Variants in DSCAM observed in about 807,000 individuals in gnomAD.
DSCAM encodes the protein cell adhesion molecule DSCAM.
A neutral mutation model predicts 217.7 loss-of-function variants in DSCAM; 47 were observed. The observed-to-expected ratio is 0.22, with a 90% CI of 0.17 to 0.28. The LOEUF is 0.28. Ranked by LOEUF, DSCAM falls within the 10% of genes least tolerant of loss-of-function variation. The pLI, the probability that DSCAM is intolerant of heterozygous loss-of-function variation, is 1.00. For synonymous variants in DSCAM, 1,056 were observed against 1,015.3 expected, an observed-to-expected ratio of 1.04 and a Z score of -0.76; for missense variants, 2,080 against 2,618.3, an observed-to-expected ratio of 0.79 and a Z score of 4.49.
At chr21:40,625,731 C>G (rs1456357472) in intron 3 of DSCAM, among the ~76,000 whole-genome samples, 2 of 152,196 alleles carry the variant, frequency 1.3e-5, no homozygotes, top group African/African-American at 4.8e-5. Flanking sequence ...ACTGTACTCA[C>G]TGGGCAAACA....
chr21:40,676,435 G>C (rs1351608440), intron 3 of DSCAM, among the ~76,000 whole-genome samples: 1 of 152,134 alleles, frequency 6.6e-6, no homozygotes, highest in African/African-American at 2.4e-5. Context: ...TGGGAGGCAC[G>C]GCCAGCAATA....
intron 28 of DSCAM, among the ~76,000 whole-genome samples, chr21:40,061,564 T>A (rs1349844414): frequency 1.6e-5 from 2 of 121,596 alleles, no homozygotes; most frequent in Non-Finnish European, 3.4e-5. Flanking sequence ...AGCAAAACTC[T>A]GTCCCAAAAA....
At chr21:40,032,431 G>C (rs1318258756) in intron 32 of DSCAM, among the ~76,000 whole-genome samples, 1 of 152,080 alleles carries the variant, frequency 6.6e-6, no homozygotes, top group Non-Finnish European at 1.5e-5. Context: ...TCACAATATT[G>C]ATGAGCTCTT....
chr21:40,419,613 C>A (rs932251852), intron 3 of DSCAM, among the ~76,000 whole-genome samples: 1 of 152,136 alleles, frequency 6.6e-6, no homozygotes, highest in South Asian at 2.1e-4. Context: ...ACCAGCTATA[C>A]CACTCACATA....
At chr21:40,623,690 G>T (rs565050405) in intron 3 of DSCAM, among the ~76,000 whole-genome samples, 1 of 152,296 alleles carries the variant, frequency 6.6e-6, no homozygotes, top group South Asian at 2.1e-4. Flanking sequence ...TGAAAGAAAG[G>T]CCTCTACAAA....
At chr21:40,567,888 C>G (rs1351618881) in intron 3 of DSCAM, among the ~76,000 whole-genome samples, 1 of 152,020 alleles carries the variant, frequency 6.6e-6, no homozygotes, top group Non-Finnish European at 1.5e-5. Context: ...TTGTTCCTTT[C>G]TATAAGAATT....
chr21:40,029,504 G>GAGTT (rs1431445363), intron 32 of DSCAM, among the ~76,000 whole-genome samples: 2 of 151,788 alleles, frequency 1.3e-5, no homozygotes, highest in South Asian at 2.1e-4. Context: ...TAATTCGAAA[G>GAGTT]AGTTACTGGA....
chr21:40,214,421 T>C (rs1312983668), intron 11 of DSCAM, among the ~76,000 whole-genome samples: 1 of 152,036 alleles, frequency 6.6e-6, no homozygotes, highest in East Asian at 1.9e-4. Flanking sequence ...TGGGTTTTTC[T>C]TGTTGTTTTG....
At chr21:40,624,477 G>A (rs1310095602) in intron 3 of DSCAM, among the ~76,000 whole-genome samples, 1 of 152,142 alleles carries the variant, frequency 6.6e-6, no homozygotes, top group African/African-American at 2.4e-5. Context: ...CAGAGGCAGG[G>A]ATTACCAAAG....
intron 1 of DSCAM, among the ~76,000 whole-genome samples, chr21:40,713,606 A>T (rs925525569): frequency 3.9e-5 from 6 of 152,194 alleles, no homozygotes; most frequent in African/African-American, 1.2e-4. Context: ...GTGTAATGAG[A>T]TTCCTGGCCT....
intron 3 of DSCAM, among the ~76,000 whole-genome samples, chr21:40,380,190 A>G (rs1026291900): frequency 2.0e-5 from 3 of 152,214 alleles, no homozygotes; most frequent in African/African-American, 7.2e-5. Context: ...TGTATACCTA[A>G]TTACCCTATT....
intron 23 of DSCAM, among the ~76,000 whole-genome samples, chr21:40,084,852 T>C (rs535313899): frequency 4.6e-5 from 7 of 152,232 alleles, no homozygotes; most frequent in African/African-American, 1.7e-4. Context: ...AAGATCAATT[T>C]TGCAGCATTT....
chr21:40,283,909 G>A (rs758328947), intron 10 of DSCAM, among the ~76,000 whole-genome samples: 2 of 152,162 alleles, frequency 1.3e-5, no homozygotes, highest in Non-Finnish European at 2.9e-5. Context: ...CCATGGAAAG[G>A]AGGTCTCTTT....
At chr21:40,544,464 T>A (rs149092347) in intron 3 of DSCAM, among the ~76,000 whole-genome samples, 5 of 152,016 alleles carry the variant, frequency 3.3e-5, no homozygotes, top group Non-Finnish European at 5.9e-5. Flanking sequence ...CTAAACCCAA[T>A]AATTAGTGTC....
intron 3 of DSCAM, among the ~76,000 whole-genome samples, chr21:40,639,979 A>C (rs1193047743): frequency 4.6e-5 from 7 of 152,184 alleles, no homozygotes; most frequent in Non-Finnish European, 7.3e-5. Flanking sequence ...TTAAGCACCG[A>C]CTTGCTAATA....
intron 3 of DSCAM, among the ~76,000 whole-genome samples, chr21:40,516,848 A>T (rs1334130340): frequency 1.3e-5 from 2 of 151,244 alleles, no homozygotes; most frequent in Non-Finnish European, 2.9e-5. Flanking sequence ...TTCATTAGAC[A>T]GTAGCAAATC....
At chr21:40,582,281 T>C (rs1318403822) in intron 3 of DSCAM, among the ~76,000 whole-genome samples, 1 of 152,224 alleles carries the variant, frequency 6.6e-6, no homozygotes, top group African/African-American at 2.4e-5. Context: ...AGAATACTTA[T>C]TATTTTTAAA....
chr21:40,831,309 ACACACACACAGG>A (rs1157647450), intron 1 of DSCAM, among the ~76,000 whole-genome samples: 2 of 14,530 alleles, frequency 1.4e-4, no homozygotes, highest in African/African-American at 4.3e-4. Context: ...ACAGGTATGC[ACACACACACAGG>A]CACACACAGG....
At chr21:40,821,095 G>C (rs977731252) in intron 1 of DSCAM, among the ~76,000 whole-genome samples, 1 of 144,374 alleles carries the variant, frequency 6.9e-6, no homozygotes, top group Non-Finnish European at 1.5e-5. Context: ...TATATAGAGA[G>C]ATATATATAT....
Sources: gnomAD v4.1 joint callset for allele counts (sites outside exome capture counted in the v4.1 genomes callset) on GRCh38, gnomAD v4.1.1 for gene constraint, MANE v1.5 for transcripts, NCBI Gene and HGNC (gene_info 2026-07-23, HGNC 2026-07-21) for gene names.